Variants in AFG2A observed in about 807,000 individuals in gnomAD.
AFG2A encodes the protein AAA ATPase AFG2A.
At chr4:123,150,063 A>G in the AFG2A span, among the ~76,000 whole-genome samples, 4 of 152,188 alleles carry the variant, frequency 2.6e-5, no homozygotes, top group South Asian at 2.1e-4. Context: ...GGCCTCCGAT[A>G]AAGCTCAACA....
At chr4:123,268,562 T>C in the AFG2A span, among the ~76,000 whole-genome samples, 1 of 151,926 alleles carries the variant, frequency 6.6e-6, no homozygotes, top group African/African-American at 2.4e-5. Flanking sequence ...AAATTTGGAG[T>C]GCCACAAATT....
the AFG2A span, among the ~76,000 whole-genome samples, chr4:123,286,735 G>A: frequency 1.3e-5 from 2 of 152,120 alleles, no homozygotes; most frequent in Admixed American, 1.3e-4. Context: ...CTGAGGGCCA[G>A]AGTTGTAGAT....
chr4:123,007,327 C>G, the AFG2A span, among the ~76,000 whole-genome samples: 6 of 151,766 alleles, frequency 4.0e-5, no homozygotes, highest in East Asian at 1.2e-3. Flanking sequence ...ATTCCTGGCC[C>G]TTTGTGAGCT....
chr4:122,947,218 AT>A, the AFG2A span: 2 of 1,504,846 alleles, frequency 1.3e-6, no homozygotes, highest in Non-Finnish European at 1.8e-6. Flanking sequence ...ATTTATTTTC[AT>A]TTTATTTTGT....
the AFG2A span, among the ~76,000 whole-genome samples, chr4:123,080,247 G>C: frequency 4.5e-4 from 68 of 152,296 alleles, no homozygotes; most frequent in African/African-American, 1.5e-3. Flanking sequence ...TTTATAACAG[G>C]AGATAGCAGA....
the AFG2A span, among the ~76,000 whole-genome samples, chr4:123,139,524 A>G: frequency 0.91 from 137,775 of 152,038 alleles, 62,688 homozygotes; most frequent in East Asian, 0.98. Flanking sequence ...TGGAAAAGCC[A>G]CAGGTAACAG....
the AFG2A span, among the ~76,000 whole-genome samples, chr4:123,070,464 T>TC: frequency 6.6e-6 from 1 of 152,122 alleles, no homozygotes; most frequent in Non-Finnish European, 1.5e-5. Flanking sequence ...GGTTGTGAAC[T>TC]CCAAGATCAA....
chr4:123,090,570 C>A, the AFG2A span: 2 of 1,613,472 alleles, frequency 1.2e-6, no homozygotes, highest in Non-Finnish European at 8.5e-7. Flanking sequence ...ACCGTACTTT[C>A]AAAATCAGTT....
chr4:123,130,021 G>T, the AFG2A span, among the ~76,000 whole-genome samples: 296 of 151,978 alleles, frequency 1.9e-3, no homozygotes, highest in South Asian at 4.4e-3. Context: ...TTGTTGTTTT[G>T]TTTTTGAGGT....
At chr4:123,087,856 G>A in the AFG2A span, among the ~76,000 whole-genome samples, 1 of 152,174 alleles carries the variant, frequency 6.6e-6, no homozygotes, top group South Asian at 2.1e-4. Context: ...TGGTTTTTCA[G>A]TTTGTTCAGC....
the AFG2A span, among the ~76,000 whole-genome samples, chr4:123,259,361 T>G: frequency 6.6e-6 from 1 of 152,200 alleles, no homozygotes; most frequent in Non-Finnish European, 1.5e-5. Flanking sequence ...TGAAACACTT[T>G]TGTAAGCCTC....
chr4:123,026,603 G>T, the AFG2A span, among the ~76,000 whole-genome samples: 10 of 152,130 alleles, frequency 6.6e-5, no homozygotes, highest in African/African-American at 1.9e-4. Flanking sequence ...AGTGAAAGTG[G>T]TTTTTTAAAT....
At chr4:123,247,631 T>C in the AFG2A span, among the ~76,000 whole-genome samples, 2 of 148,604 alleles carry the variant, frequency 1.3e-5, no homozygotes, top group African/African-American at 4.9e-5. Flanking sequence ...TTGCGCCATG[T>C]TGCCTAGGCT....
At chr4:123,262,670 TTCA>T in the AFG2A span, among the ~76,000 whole-genome samples, 2 of 152,248 alleles carry the variant, frequency 1.3e-5, no homozygotes, top group African/African-American at 2.4e-5. Context: ...CTACCTTGTT[TTCA>T]TCTTCTCCAA....
chr4:122,925,359 A>C, the AFG2A span, among the ~76,000 whole-genome samples: 2 of 152,148 alleles, frequency 1.3e-5, no homozygotes, highest in Non-Finnish European at 2.9e-5. Context: ...TGATCTTGTA[A>C]GATGAAGATC....
chr4:123,190,053 GCCT>G, the AFG2A span, among the ~76,000 whole-genome samples: 1 of 151,918 alleles, frequency 6.6e-6, no homozygotes, highest in Non-Finnish European at 1.5e-5. Flanking sequence ...TCCCACTGCA[GCCT>G]CCCAAAGTGC....
the AFG2A span, among the ~76,000 whole-genome samples, chr4:123,057,859 T>A: frequency 6.6e-6 from 1 of 152,124 alleles, no homozygotes; most frequent in Non-Finnish European, 1.5e-5. Context: ...TATGTTTTTT[T>A]CCTCTACAAA....
At chr4:122,991,748 A>C in the AFG2A span, among the ~76,000 whole-genome samples, 1 of 152,172 alleles carries the variant, frequency 6.6e-6, no homozygotes, top group African/African-American at 2.4e-5. Flanking sequence ...TTTCAAATTT[A>C]CTATTGAATT....
At chr4:123,154,536 A>C in the AFG2A span, among the ~76,000 whole-genome samples, 1 of 152,218 alleles carries the variant, frequency 6.6e-6, no homozygotes, top group Non-Finnish European at 1.5e-5. Flanking sequence ...GTGAGATTTT[A>C]AGAGTAAAAA....
Sources: gnomAD v4.1 joint callset for allele counts (sites outside exome capture counted in the v4.1 genomes callset) on GRCh38, gnomAD v4.1.1 for gene constraint, MANE v1.5 for transcripts, NCBI Gene and HGNC (gene_info 2026-07-23, HGNC 2026-07-21) for gene names.